RADIL: variants seen among roughly 807,000 people sequenced by gnomAD.
RADIL encodes ras-associating and dilute domain-containing protein.
In RADIL, 99 loss-of-function variants were observed where a neutral mutation model predicts 97.6. The observed-to-expected ratio is 1.01, with a 90% CI of 0.86 to 1.20. RADIL has a LOEUF of 1.20. Ranked by LOEUF, RADIL falls within the 50% of genes most tolerant of loss-of-function variation. The pLI, the probability that RADIL is intolerant of heterozygous loss-of-function variation, is 0.00. For missense variants in RADIL, 1,765 were observed against 1,498.9 expected (o/e 1.18, Z -2.93); for synonymous variants, 803 against 691.8 (o/e 1.16, Z -2.52).
chr7:4,868,652 A>G lies in RADIL; in HGVS notation c.535+8953T>C, dbSNP rs147961455. Among the ~76,000 whole-genome samples the G allele has an allele frequency of 2.6e-5, 4 of 152,324 alleles. No homozygotes were observed. The East Asian group carries it at 5.8e-4, about 22-fold the overall frequency. On this transcript the variant is annotated intron_variant, in intron 2 of 14. Coordinates refer to ENST00000399583, the MANE Select transcript of RADIL (RefSeq NM_018059.5). Reference sequence around the variant, plus strand: ...GCCGTTTTCTTGCTGATCTTTAGACATGCATTACTTTATTCTAGTTATTCA... The same window carrying G: ...GCCGTTTTCTTGCTGATCTTTAGACGTGCATTACTTTATTCTAGTTATTCA...
chr7:4,833,839 G>T (rs968678270), intron 4 of RADIL, among the ~76,000 whole-genome samples: 61 of 152,172 alleles, frequency 4.0e-4, no homozygotes, highest in African/African-American at 1.4e-3. Flanking sequence ...GCACTCATGG[G>T]CCCAGGGCGG....
chr7:4,813,075 T>C lies in RADIL; in HGVS notation c.2139+2203A>G, dbSNP rs1056410955. ...TCATCCTTACCCCAAGGTTCTTCTT[T>C]CTCTCTCTCTCTCTCTCTCTCTCTC... On this transcript the variant is annotated intron_variant, in intron 9 of 14. Coordinates refer to ENST00000399583, the MANE Select transcript of RADIL (RefSeq NM_018059.5). The surrounding 1 kb of genome is among the most constrained non-coding windows in gnomAD (Gnocchi z 5.0). Among the ~76,000 whole-genome samples the C allele has an allele frequency of 7.2e-5, 8 of 110,576 alleles. No individual in the cohort carries two copies. Among genetic ancestry groups the C allele is most frequent in the African/African-American group, 3.0e-4 (7 of 23,686 alleles). 72.5% of individuals were successfully genotyped at this position (110,576 alleles called of 152,430 possible).
At chr7:4,808,533 A>G in intron 9 of RADIL, 1 of 968,574 alleles carries the variant, frequency 1.0e-6, no homozygotes, top group Non-Finnish European at 1.2e-6. Context: ...GTTTGAGAAA[A>G]ACAAAACAAA....
intron 2 of RADIL, among the ~76,000 whole-genome samples, chr7:4,857,300 C>T (rs570067387): frequency 2.0e-5 from 3 of 152,196 alleles, no homozygotes; most frequent in African/African-American, 7.2e-5. Flanking sequence ...TTTTCATTAG[C>T]GTGCCTTTTT....
At chr7:4,800,732 A>G (rs1782055125) in intron 12 of RADIL, among the ~76,000 whole-genome samples, 1 of 152,160 alleles carries the variant, frequency 6.6e-6, no homozygotes, top group Non-Finnish European at 1.5e-5. Flanking sequence ...AGCCCAGCCC[A>G]GCCCAAGCAC....
Position 4,878,320 on chromosome 7 carries a change from G to A in RADIL, c.-64-117C>T, listed in dbSNP as rs969683421. On this transcript the variant is annotated intron_variant, in intron 1 of 14. Coordinates refer to ENST00000399583, the MANE Select transcript of RADIL (RefSeq NM_018059.5). The surrounding 1 kb of genome is among the most constrained non-coding windows in gnomAD (Gnocchi z 4.1). ...GCGCTTTAGAAGGCCAAGGTGGGAG[G>A]ACGGCTTGAGCCCGGGAGTTCCAGA... The A allele has an allele frequency of 1.3e-5, 9 of 671,288 alleles. No individual in the cohort carries two copies. The highest frequency in any genetic ancestry group is 3.6e-5 in the African/African-American group (2 of 55,036). 41.6% of individuals were successfully genotyped at this position (671,288 alleles called of 1,614,324 possible). A position where few individuals can be genotyped will look rare whatever the true frequency, so the allele number is the denominator to read the frequency against.
At chr7:4,865,312 T>C in intron 2 of RADIL, 2 of 493,950 alleles carry the variant, frequency 4.0e-6, no homozygotes, top group East Asian at 8.3e-5. Context: ...TATACAATGA[T>C]GGCCCTGCAA....
intron 2 of RADIL, chr7:4,862,028 C>T: frequency 4.8e-6 from 2 of 415,722 alleles, no homozygotes; most frequent in Non-Finnish European, 8.5e-6. Context: ...CGTTCCAGAA[C>T]CTACCGTACA....
intron 2 of RADIL, among the ~76,000 whole-genome samples, chr7:4,868,814 C>T (rs1239689882): frequency 2.0e-5 from 3 of 152,028 alleles, no homozygotes; most frequent in Non-Finnish European, 4.4e-5. Context: ...TTACAGATTG[C>T]ACTTTAAAAA....
In RADIL at chr7:4,799,278, C is replaced by A; in HGVS notation, c.*100G>T. On this transcript the variant is annotated 3_prime_UTR_variant, in exon 15 of 15. Coordinates refer to ENST00000399583, the MANE Select transcript of RADIL (RefSeq NM_018059.5). ...AGGGTGAGGCTCCCCACCCGGGACC[C>A]AACTTGGTCAGTTACAAAACAGGGA... The A allele has an allele frequency of 1.7e-6, 2 of 1,191,562 alleles. No individual in the cohort carries two copies. Among genetic ancestry groups the A allele is most frequent in the Non-Finnish European group, 2.4e-6 (2 of 823,018 alleles). The allele number at this position is 1,191,562 out of a possible 1,614,324, so 73.8% of individuals were successfully genotyped here.
Position 4,799,443 on chromosome 7 carries a change from ACCGCATCTTCTTC to A in RADIL, c.3150_3162del (p.Lys1051SerfsTer51). On this transcript the variant is annotated frameshift_variant, in exon 15 of 15. Transcript: ENST00000399583. LOFTEE classifies it high-confidence loss of function. Reference sequence around the variant, plus strand: ...TCCACGTCGGACTTCGCGACCAGGAACCGCATCTTCTTCCCGCCATGACGGATCAGGTCCACAG... The same window carrying A: ...TCCACGTCGGACTTCGCGACCAGGAACCGCCATGACGGATCAGGTCCACAG... 1 of 1,613,616 alleles carries A rather than the reference ACCGCATCTTCTTC, an allele frequency of 6.2e-7. No homozygotes were observed. The highest frequency in any genetic ancestry group is 8.5e-7 in the Non-Finnish European group (1 of 1,179,932).
chr7:4,878,178 G>C lies in RADIL; in HGVS notation c.-39C>G. ...TCATGGATGAGGACTGTGGGCTTCA[G>C]CCAAAGGATGTGGGGAGGCCGTGAC... On this transcript the variant is annotated 5_prime_UTR_variant, in exon 2 of 15. Coordinates refer to ENST00000399583, the MANE Select transcript of RADIL (RefSeq NM_018059.5). This position sits in a 1 kb window ranked among gnomAD's most constrained non-coding sequence, Gnocchi z 4.1. The C allele has an allele frequency of 6.7e-7, 1 of 1,484,984 alleles. No individual in the cohort carries two copies. Among genetic ancestry groups the C allele is most frequent in the Non-Finnish European group, 8.9e-7 (1 of 1,118,442 alleles). 92.0% of individuals were successfully genotyped at this position (1,484,984 alleles called of 1,614,324 possible). A position where few individuals can be genotyped will look rare whatever the true frequency, so the allele number is the denominator to read the frequency against.
intron 9 of RADIL, among the ~76,000 whole-genome samples, chr7:4,807,593 T>C (rs888281506): frequency 2.0e-5 from 1 of 50,312 alleles, no homozygotes; most frequent in Admixed American, 3.0e-4. Context: ...CTGTCTCCCC[T>C]CCCTCCTCCC....
intron 9 of RADIL, among the ~76,000 whole-genome samples, chr7:4,807,909 CCT>C (rs1245110404): frequency 2.0e-5 from 1 of 50,700 alleles, no homozygotes; most frequent in Non-Finnish European, 3.7e-5. Context: ...TCTTCTTCTC[CCT>C]GTCCCTCCCT....
chr7:4,836,717 C>T (rs1291722815), intron 2 of RADIL, 112 bp from the exon 3 acceptor site: 8 of 1,422,932 alleles, frequency 5.6e-6, no homozygotes, highest in African/African-American at 1.4e-5. Flanking sequence ...GTGGGGGGAT[C>T]GCCTGAGGTC....
Position 4,835,344 on chromosome 7 carries a change from T to C in RADIL, c.784-105A>G. The C allele has an allele frequency of 2.1e-6, 3 of 1,421,878 alleles. No individual in the cohort carries two copies. The highest frequency in any genetic ancestry group is 2.8e-6 in the Non-Finnish European group (3 of 1,056,204). The allele number at this position is 1,421,878 out of a possible 1,614,324, so 88.1% of individuals were successfully genotyped here. ...CTGAAGCAGCGTGGCTGGGATGCTG[T>C]CGCCACGGGCTCTCCATGTCCCTGG... On this transcript the variant is annotated intron_variant, in intron 3 of 14. Coordinates refer to ENST00000399583, the MANE Select transcript of RADIL (RefSeq NM_018059.5). The surrounding 1 kb of genome is among the most constrained non-coding windows in gnomAD (Gnocchi z 5.8).
Position 4,801,816 on chromosome 7 carries a change from GC to G in RADIL, c.2678del (p.Gly893AlafsTer98). 1 of 1,607,616 alleles carries G rather than the reference GC, an allele frequency of 6.2e-7. No individual in the cohort carries two copies. Among genetic ancestry groups the G allele is most frequent in the Non-Finnish European group, 8.5e-7 (1 of 1,177,912 alleles). On this transcript the variant is annotated frameshift_variant, in exon 12 of 15. Coordinates refer to ENST00000399583, the MANE Select transcript of RADIL (RefSeq NM_018059.5). LOFTEE classifies it high-confidence loss of function. ...RQPSRGGSQA[G>X]PPHTDSSCLL... Reference sequence around the variant, plus strand: ...AGCAGGACGAGTCCGTGTGCGGGGGGCCAGCCTGGGAGCCCCCACGGCTGGG... The same window carrying G: ...AGCAGGACGAGTCCGTGTGCGGGGGGCAGCCTGGGAGCCCCCACGGCTGGG...
In RADIL at chr7:4,819,642, C is replaced by T. The variant is rs938191886; in HGVS notation, c.1616-2291G>A. Among the ~76,000 whole-genome samples, 3 of 152,168 alleles carry T rather than the reference C, an allele frequency of 2.0e-5. No homozygotes were observed. Among genetic ancestry groups the T allele is most frequent in the Non-Finnish European group, 2.9e-5 (2 of 68,024 alleles). On this transcript the variant is annotated intron_variant, in intron 6 of 14. Transcript: ENST00000399583. This position sits in a 1 kb window ranked among gnomAD's most constrained non-coding sequence, Gnocchi z 5.8. ...AGAGCTTTGTACAAAACAGTGTTTGCGGAATGACAACAGCCACGTGACCCA... is the reference window on the plus strand; with the variant it reads ...AGAGCTTTGTACAAAACAGTGTTTGTGGAATGACAACAGCCACGTGACCCA...
At chr7:4,861,878 A>G in intron 2 of RADIL, 1 of 1,170,688 alleles carries the variant, frequency 8.5e-7, no homozygotes. Flanking sequence ...CGCCCGGGTC[A>G]TGATCCGCTG....
Sources: gnomAD v4.1 joint callset for allele counts (sites outside exome capture counted in the v4.1 genomes callset) on GRCh38, gnomAD v4.1.1 for gene constraint, Gnocchi (gnomAD v3.1) non-coding constraint, MANE v1.5 for transcripts, NCBI Gene and HGNC (gene_info 2026-07-23, HGNC 2026-07-21) for gene names.